Variants in AQP8 observed in about 807,000 individuals in gnomAD.
AQP8 encodes the protein aquaporin-8.
A neutral mutation model predicts 26.1 loss-of-function variants in AQP8; 14 were observed. The observed-to-expected ratio is 0.54, with a 90% confidence interval of 0.35 to 0.84. The LOEUF (loss-of-function observed/expected upper bound fraction) is 0.84, where lower values mean the gene tolerates loss of function less well. AQP8 is among the 40% of genes least tolerant of loss of function. The pLI, the probability that AQP8 is intolerant of heterozygous loss-of-function variation, is 0.01. For missense variants in AQP8, 301 were observed against 340.5 expected (o/e 0.88, Z 0.91); for synonymous variants, 131 against 150.7 (o/e 0.87, Z 0.96).
chr16:25,220,642 C>A (rs573752457), intron 2 of AQP8, among the ~76,000 whole-genome samples: 2 of 152,288 alleles, frequency 1.3e-5, no homozygotes, highest in South Asian at 4.1e-4. Context: ...CATTTTCAGC[C>A]TGAACTCCAA....
chr16:25,227,038 C>T (rs766133660), intron 4 of AQP8, 30 bp from the exon 5 acceptor site: 7 of 1,613,046 alleles, frequency 4.3e-6, no homozygotes, highest in Non-Finnish European at 5.9e-6. Flanking sequence ...GGCTGGGATC[C>T]TGGTGACCTT....
At chr16:25,227,688 G>A (rs1434217083) in intron 5 of AQP8, among the ~76,000 whole-genome samples, 3 of 151,896 alleles carry the variant, frequency 2.0e-5, no homozygotes, top group Admixed American at 6.6e-5. Context: ...GGTTTTCACC[G>A]TGTTGACCAG....
chr16:25,228,225 C>T (rs984127445), intron 5 of AQP8, among the ~76,000 whole-genome samples: 1 of 151,482 alleles, frequency 6.6e-6, no homozygotes, highest in Non-Finnish European at 1.5e-5. Context: ...TGAGATCATG[C>T]TACTGTACTC....
intron 3 of AQP8, among the ~76,000 whole-genome samples, chr16:25,222,130 ATCATAGC>A (rs1962570980): frequency 6.6e-6 from 1 of 151,680 alleles, no homozygotes; most frequent in Non-Finnish European, 1.5e-5. Flanking sequence ...TGGTGGTGCA[ATCATAGC>A]TCACTGCAGG....
intron 2 of AQP8, among the ~76,000 whole-genome samples, chr16:25,218,014 C>T (rs188901065): frequency 3.3e-5 from 5 of 152,190 alleles, no homozygotes; most frequent in African/African-American, 9.6e-5. Context: ...TGTTATTAGC[C>T]CCATTGTACA....
intron 3 of AQP8, among the ~76,000 whole-genome samples, chr16:25,223,904 G>A (rs1011689373): frequency 6.7e-6 from 1 of 150,276 alleles, no homozygotes; most frequent in African/African-American, 2.5e-5. Context: ...TCAGCTCACT[G>A]CAACCTCTGC....
At chr16:25,228,032 A>G (rs900344184) in intron 5 of AQP8, among the ~76,000 whole-genome samples, 51 of 145,894 alleles carry the variant, frequency 3.5e-4, no homozygotes, top group African/African-American at 1.3e-3. Context: ...TTGGGAGGCC[A>G]AGGTGGGTGG....
chr16:25,221,690 CTT>C, intron 3 of AQP8, 107 bp downstream of exon 3: 1 of 1,393,466 alleles, frequency 7.2e-7, no homozygotes, highest in African/African-American at 1.4e-5. Context: ...AATGTCCAAT[CTT>C]TTGCTTGTTT....
At chr16:25,226,675 C>T (rs2141347549) in intron 4 of AQP8, among the ~76,000 whole-genome samples, 1 of 152,330 alleles carries the variant, frequency 6.6e-6, no homozygotes, top group East Asian at 1.9e-4. Flanking sequence ...CTATGATACA[C>T]TTTTTGTTAT....
At chr16:25,221,645 T>TGTGG in intron 3 of AQP8, 62 bp downstream of exon 3, 1 of 1,598,734 alleles carries the variant, frequency 6.3e-7, no homozygotes, top group South Asian at 1.1e-5. Context: ...GAGGTGCATA[T>TGTGG]GTGGGTGTGT....
intron 2 of AQP8, among the ~76,000 whole-genome samples, chr16:25,220,783 G>A (rs1037482062): frequency 6.6e-6 from 1 of 152,226 alleles, no homozygotes; most frequent in Admixed American, 6.5e-5. Flanking sequence ...GGGCACGGTA[G>A]CTCGTGCCTG....
At chr16:25,220,762 A>G (rs1962550985) in intron 2 of AQP8, among the ~76,000 whole-genome samples, 1 of 152,194 alleles carries the variant, frequency 6.6e-6, no homozygotes, top group African/African-American at 2.4e-5. Context: ...TCATAAAGGG[A>G]GACCCGGGCC....
rs543743816 is a variant in AQP8 at position 25,222,852 on chromosome 16, G to A, written c.387+1269G>A. Among the ~76,000 whole-genome samples, 15 of 152,250 alleles carry A rather than the reference G, an allele frequency of 9.9e-5. No homozygotes were observed. The East Asian group carries it at 1.2e-3, about 12-fold the overall frequency. The stretch of plus-strand genomic sequence containing the variant: ...GCCTGTTCCCCTGTCTATGGAACAC[G>A]CCCGGGACCTTCCTTCTCGGCTTCT... On this transcript the variant is annotated intron_variant, in intron 3 of 5. Coordinates refer to ENST00000219660, the MANE Select transcript of AQP8 (RefSeq NM_001169.3).
intron 4 of AQP8, among the ~76,000 whole-genome samples, chr16:25,226,697 T>A (rs1351535813): frequency 6.6e-6 from 1 of 152,224 alleles, no homozygotes; most frequent in Non-Finnish European, 1.5e-5. Flanking sequence ...TTATAATGTG[T>A]GGGCTGGGTT....
In AQP8 at chr16:25,228,641, AGACT is replaced by A. The variant is rs1962667915; in HGVS notation, c.*155_*158del. The A allele has an allele frequency of 2.7e-6, 2 of 737,880 alleles. No individual in the cohort carries two copies. The highest frequency in any genetic ancestry group is 1.7e-5 in the South Asian group (1 of 59,200). 45.7% of individuals were successfully genotyped at this position (737,880 alleles called of 1,614,324 possible). On this transcript the variant is annotated 3_prime_UTR_variant, in exon 6 of 6. Transcript: ENST00000219660. ...ACTGCTTGGGCCTGCTTTCTCAGAT[AGACT>A]GACTGCTGAGGAGGCTCTAGGTTCT...
intron 3 of AQP8, among the ~76,000 whole-genome samples, chr16:25,224,082 C>A (rs1849612681): frequency 6.6e-6 from 1 of 152,234 alleles, no homozygotes; most frequent in South Asian, 2.1e-4. Flanking sequence ...CCATCTCAGC[C>A]TCCCAAAGTG....
At position 25,217,397 on chromosome 16, in the gene AQP8, C is replaced by A. The variant is rs759578291; in HGVS notation, c.212C>A (p.Ala71Asp). ...ACTGGGCTGCTGCAGCCGGCCCTGG[C>A]CCACGGGCTGGCTTTGGGGCTCGTG... ...TDTGLLQPAL[A>D]HGLALGLVIA... is the part of the protein sequence containing the mutation. Residue 71 changes from alanine to aspartate, a missense_variant, in exon 2 of 6, where the codon GCC (alanine) becomes GAC (aspartate). Ala to Asp is a moderately radical substitution (Grantham distance 126). Transcript: ENST00000219660. The A allele has an allele frequency of 6.2e-7, 1 of 1,614,116 alleles. No individual in the cohort carries two copies. The highest frequency in any genetic ancestry group is 8.5e-7 in the Non-Finnish European group (1 of 1,180,008).
At chr16:25,224,186 G>C (rs1962600434) in intron 3 of AQP8, among the ~76,000 whole-genome samples, 176 bp from the exon 4 acceptor site, 1 of 152,168 alleles carries the variant, frequency 6.6e-6, no homozygotes, top group African/African-American at 2.4e-5. Flanking sequence ...GTTCACGCAG[G>C]GTCGCACAGT....
At chr16:25,221,618 CT>C in intron 3 of AQP8, 35 bp downstream of exon 3, 1 of 1,612,216 alleles carries the variant, frequency 6.2e-7, no homozygotes, top group Non-Finnish European at 8.5e-7. Context: ...TAGTCTTCCT[CT>C]CTGATGGGGC....
Sources: gnomAD v4.1 joint callset for allele counts (sites outside exome capture counted in the v4.1 genomes callset) on GRCh38, gnomAD v4.1.1 for gene constraint, MANE v1.5 for transcripts, NCBI Gene and HGNC (gene_info 2026-07-23, HGNC 2026-07-21) for gene names.